PTGES3: variants seen among roughly 807,000 people sequenced by gnomAD.
The protein encoded by PTGES3 is prostaglandin E synthase 3, also known as Hsp90 co-chaperone.
Under a neutral mutation model 29.9 loss-of-function variants are expected in PTGES3, and 5 were observed. The ratio of observed to expected loss-of-function variants is 0.17; its 90% CI spans 0.09 to 0.35. The LOEUF is 0.35. Among genes scored for constraint, PTGES3 ranks in the 10% least tolerant of loss-of-function variants. The pLI is 1.00. For missense variants in PTGES3, 128 were observed against 190.0 expected (o/e 0.67, Z 1.92); for synonymous variants, 49 against 57.8 (o/e 0.85, Z 0.69).
chr12:56,681,928 T>C (rs1007962337), intron 1 of PTGES3, among the ~76,000 whole-genome samples: 5 of 151,868 alleles, frequency 3.3e-5, no homozygotes, highest in Non-Finnish European at 5.9e-5. Context: ...CACTGCAACC[T>C]CCTCGCCTCC....
chr12:56,665,569 A>G (rs117954535), intron 6 of PTGES3: 10,028 of 985,344 alleles, frequency 0.01, 69 homozygotes, highest in Middle Eastern at 0.046. Context: ...CATCTGTTTT[A>G]TCGGTCTCTG....
At chr12:56,666,349 T>A in intron 5 of PTGES3, 83 bp from the exon 6 acceptor site, 1 of 1,496,994 alleles carries the variant, frequency 6.7e-7, no homozygotes, top group Non-Finnish European at 8.9e-7. Context: ...AGAATAAACC[T>A]TAAGTCTGCC....
At chr12:56,672,590 AT>A in intron 3 of PTGES3, 149 bp downstream of exon 3, 1 of 1,033,616 alleles carries the variant, frequency 9.7e-7, no homozygotes, top group Non-Finnish European at 1.3e-6. Flanking sequence ...GCAGAAACCA[AT>A]TTTGGAGGAA....
intron 1 of PTGES3, among the ~76,000 whole-genome samples, chr12:56,674,831 A>G (rs1952158849): frequency 8.9e-6 from 1 of 112,154 alleles, no homozygotes; most frequent in Non-Finnish European, 2.0e-5. Context: ...ATCTCAAAAA[A>G]AAAAAAAAAA....
intron 1 of PTGES3, among the ~76,000 whole-genome samples, chr12:56,676,960 G>A (rs1292642766): frequency 7.1e-6 from 1 of 140,530 alleles, no homozygotes; most frequent in African/African-American, 2.6e-5. Flanking sequence ...TGCTGGCTAA[G>A]TGCGGTGGCT....
chr12:56,666,109 G>C, intron 6 of PTGES3, 95 bp downstream of exon 6: 5 of 1,395,096 alleles, frequency 3.6e-6, no homozygotes, highest in South Asian at 1.6e-5. Context: ...AAAATAAGAA[G>C]TAATTGTGAA....
Position 56,665,086 on chromosome 12 carries a change from G to GA in PTGES3, c.439-287dup, listed in dbSNP as rs1332219276. The GA allele has an allele frequency of 3.0e-6, 3 of 985,154 alleles. No individual in the cohort carries two copies. In the African/African-American group the frequency reaches 5.2e-5, roughly 17 times the overall value. The allele number at this position is 985,154 out of a possible 1,614,324, so 61.0% of individuals were successfully genotyped here. A position where few individuals can be genotyped will look rare whatever the true frequency, so the allele number is the denominator to read the frequency against. On this transcript the variant is annotated intron_variant, in intron 6 of 7. Transcript: ENST00000262033. Reference sequence around the variant, plus strand: ...ATTAACCTATCTCGGCATTCAAAGAGAAAACATGGATCAATATGAAGAAAA... The same window carrying GA: ...ATTAACCTATCTCGGCATTCAAAGAGAAAAACATGGATCAATATGAAGAAAA...
intron 1 of PTGES3, among the ~76,000 whole-genome samples, chr12:56,683,430 G>A (rs562802994): frequency 2.2e-4 from 26 of 119,528 alleles, no homozygotes; most frequent in African/African-American, 8.1e-4. Context: ...CCGAGACCGT[G>A]ACATTGCACT....
At chr12:56,677,221 AGAGT>A (rs1273381377) in intron 1 of PTGES3, among the ~76,000 whole-genome samples, 1 of 151,612 alleles carries the variant, frequency 6.6e-6, no homozygotes, top group Non-Finnish European at 1.5e-5. Flanking sequence ...CCTGGGCGAC[AGAGT>A]GAGACTCCTT....
chr12:56,686,024 C>T (rs1410374345), intron 1 of PTGES3, among the ~76,000 whole-genome samples: 4 of 152,012 alleles, frequency 2.6e-5, no homozygotes, highest in African/African-American at 7.2e-5. Context: ...TTCCGCCTGC[C>T]TCGGCCTCCC....
chr12:56,666,713 C>T (rs139949813), intron 5 of PTGES3, among the ~76,000 whole-genome samples: 102 of 152,176 alleles, frequency 6.7e-4, no homozygotes, highest in Middle Eastern at 3.4e-3. Flanking sequence ...CTGCAACCTC[C>T]GCCTCTGGGT....
At chr12:56,687,934 G>C in intron 1 of PTGES3, 64 bp downstream of exon 1, 2 of 1,603,782 alleles carry the variant, frequency 1.2e-6, no homozygotes, top group Middle Eastern at 1.7e-4. Flanking sequence ...GCCGCTTCCA[G>C]GGAGCCCCCA....
At position 56,672,744 on chromosome 12, in the gene PTGES3, G is replaced by A; in HGVS notation, c.182C>T (p.Pro61Leu). 6.4e-7 allele frequency: 1 copy of A among 1,564,646 alleles called. No homozygotes were observed. Among genetic ancestry groups the A allele is most frequent in the East Asian group, 2.3e-5 (1 of 44,072 alleles). ...TAAAGCATAAAGACTACTTACATTTGGATCAATACAGTGAAAAAGATCAAT... is the reference window on the plus strand; with the variant it reads ...TAAAGCATAAAGACTACTTACATTTAGATCAATACAGTGAAAAAGATCAAT... ...NEIDLFHCID[P>L]NDSKHKRTDR... Residue 61 changes from proline to leucine, a missense_variant, in exon 3 of 8, where the codon CCA (proline) becomes CTA (leucine). Pro to Leu is a moderately conservative substitution (Grantham distance 98). Transcript: ENST00000262033.
At chr12:56,667,964 C>T (rs567189302) in intron 5 of PTGES3, among the ~76,000 whole-genome samples, 6 of 152,166 alleles carry the variant, frequency 3.9e-5, no homozygotes, top group South Asian at 2.1e-4. Context: ...AAAAATTAGC[C>T]GGGCATGGTG....
At chr12:56,679,431 A>G (rs1173923678) in intron 1 of PTGES3, among the ~76,000 whole-genome samples, 1 of 150,048 alleles carries the variant, frequency 6.7e-6, no homozygotes, top group African/African-American at 2.5e-5. Context: ...AAAAAAAAAA[A>G]GCATGGAATG....
chr12:56,688,093 G>A lies in PTGES3; in HGVS notation c.-94C>T. On this transcript the variant is annotated 5_prime_UTR_variant, in exon 1 of 8. Transcript: ENST00000262033. ...TCGACTTCTCTCCGGTGGCGACTCC[G>A]CTTTTTCTCTCCGGTCGCGGCCTCT... is the stretch of plus-strand genomic sequence containing the variant. 2.1e-6 allele frequency: 3 copies of A among 1,438,060 alleles called. No homozygotes were observed. The highest frequency in any genetic ancestry group is 2.7e-6 in the Non-Finnish European group (3 of 1,095,904). 89.1% of individuals were successfully genotyped at this position (1,438,060 alleles called of 1,614,324 possible).
chr12:56,670,520 AT>A, intron 4 of PTGES3, 156 bp from the exon 5 acceptor site: 1 of 608,862 alleles, frequency 1.6e-6, no homozygotes, highest in Non-Finnish European at 2.9e-6. Flanking sequence ...CCCACTATTG[AT>A]CAATATGTGA....
intron 1 of PTGES3, among the ~76,000 whole-genome samples, chr12:56,673,660 G>A (rs1481143131): frequency 2.0e-5 from 3 of 151,674 alleles, no homozygotes; most frequent in Non-Finnish European, 4.4e-5. Flanking sequence ...AGGCACAGTG[G>A]CAGGCGCCTG....
In PTGES3 at chr12:56,688,248, G is replaced by A. The variant is rs1952983791; in HGVS notation, c.-249C>T. 6.6e-6 allele frequency: 4 copies of A among 606,194 alleles called. No homozygotes were observed. Among genetic ancestry groups the A allele is most frequent in the South Asian group, 3.2e-5 (1 of 31,236 alleles). 37.6% of individuals were successfully genotyped at this position (606,194 alleles called of 1,614,324 possible). On this transcript the variant is annotated 5_prime_UTR_variant, in exon 1 of 8. Coordinates refer to ENST00000262033, the MANE Select transcript of PTGES3 (RefSeq NM_006601.7). ...GTAGGAAAAGGGGCGCGAGGACGGA[G>A]AATGAACGTGCGTGCGTGCAAACGA...
Sources: gnomAD v4.1 joint callset for allele counts (sites outside exome capture counted in the v4.1 genomes callset) on GRCh38, gnomAD v4.1.1 for gene constraint, MANE v1.5 for transcripts, NCBI Gene and HGNC (gene_info 2026-07-23, HGNC 2026-07-21) for gene names.